DST: variants seen among roughly 807,000 people sequenced by gnomAD.
DST encodes the protein bullous pemphigoid antigen.
In DST, 253 loss-of-function variants were observed where a neutral mutation model predicts 875.2. That is an observed-to-expected ratio of 0.29 (90% CI 0.26 to 0.32). The LOEUF (loss-of-function observed/expected upper bound fraction) is 0.32, where lower values mean the gene tolerates loss of function less well. Ranked by LOEUF, DST falls within the 10% of genes least tolerant of loss-of-function variation. The probability of loss-of-function intolerance (pLI) is 1.00; values close to 1 mark genes in which losing one functional copy is unlikely to be tolerated. For synonymous variants in DST, 3,124 were observed against 3,197.1 expected (o/e 0.98, Z 0.77); for missense variants, 8,287 against 9,111.6 (o/e 0.91, Z 3.68).
intron 2 of DST, among the ~76,000 whole-genome samples, chr6:56,928,609 A>C (rs1808458580): frequency 6.6e-6 from 1 of 151,950 alleles, no homozygotes; most frequent in Non-Finnish European, 1.5e-5. Flanking sequence ...AGAAATAAAT[A>C]AAATGCAAAA....
At chr6:56,657,201 C>T (rs948495229) in intron 10 of DST, among the ~76,000 whole-genome samples, 2 of 152,030 alleles carry the variant, frequency 1.3e-5, no homozygotes, top group Non-Finnish European at 2.9e-5. Flanking sequence ...TATAACGACA[C>T]AAACAAAAGC....
At chr6:56,553,789 A>T (rs771559871) in intron 60 of DST, 134 bp from the exon 61 acceptor site, 42 of 799,706 alleles carry the variant, frequency 5.3e-5, no homozygotes, top group Non-Finnish European at 7.7e-5. Flanking sequence ...TGACTATAAG[A>T]ACTACAAGTG....
chr6:56,670,834 T>G, intron 9 of DST, 27 bp from the exon 10 acceptor site: 1 of 1,503,502 alleles, frequency 6.7e-7, no homozygotes, highest in East Asian at 2.4e-5. Flanking sequence ...GTGTTAAACC[T>G]TTAGGAAGGA....
intron 4 of DST, among the ~76,000 whole-genome samples, chr6:56,782,155 G>C (rs928827200): frequency 6.6e-6 from 1 of 152,148 alleles, no homozygotes. Context: ...TTGCATCAAT[G>C]TTCATCAAGG....
In DST at chr6:56,605,899, A is replaced by C. The variant is rs775583359; in HGVS notation, c.8729T>G (p.Leu2910Arg). 2 of 1,612,760 alleles carry C rather than the reference A, an allele frequency of 1.2e-6. No individual in the cohort carries two copies. The highest frequency in any genetic ancestry group is 1.7e-6 in the Non-Finnish European group (2 of 1,179,358). ...CTTAAGTACCATCTCATGGTTCAAC[A>C]GATTTTCTTTGCTTTTTCCAGCAAT... is the stretch of plus-strand genomic sequence containing the variant. ...TEIAGKSKENLLNHEMVLKDV... is the reference protein window; with the variant it reads ...TEIAGKSKENRLNHEMVLKDV... The change falls in exon 40 of 104, where the codon CTG becomes CGG. Residue 2910 changes from leucine (L) to arginine (R), a missense_variant. By Grantham distance (102) the Leu-to-Arg change is moderately radical (BLOSUM62 -2). Coordinates refer to ENST00000680361, the MANE Select transcript of DST (RefSeq NM_001374736.1).
Position 56,693,141 on chromosome 6 carries a change from A to G in DST, c.1047+6512T>C, listed in dbSNP as rs961067091. 3 of 1,282,362 alleles carry G rather than the reference A, an allele frequency of 2.3e-6. No individual in the cohort carries two copies. The African/African-American group carries it at 4.6e-5, about 20-fold the overall frequency. 79.4% of individuals were successfully genotyped at this position (1,282,362 alleles called of 1,614,324 possible). The stretch of plus-strand genomic sequence containing the variant: ...TCTCAGCTCTTACACATCCACAGAC[A>G]TTCCCCATTTGATTTGTAGGAGATC... On this transcript the variant is annotated intron_variant, in intron 9 of 103. Coordinates refer to ENST00000680361, the MANE Select transcript of DST (RefSeq NM_001374736.1).
intron 49 of DST, among the ~76,000 whole-genome samples, chr6:56,585,441 T>G (rs2098127406): frequency 6.6e-6 from 1 of 152,142 alleles, no homozygotes; most frequent in African/African-American, 2.4e-5. Context: ...GGTGGTGATA[T>G]CCCCTTTATC....
Position 56,640,373 on chromosome 6 carries a change from T to C in DST, c.2260A>G (p.Met754Val). The change falls in exon 18 of 104, where the codon ATG becomes GTG. Residue 754 changes from methionine to valine, a missense_variant. Coordinates refer to ENST00000680361, the MANE Select transcript of DST (RefSeq NM_001374736.1). The stretch of plus-strand genomic sequence containing the variant: ...ACAGATGGAGTCAGGCGGGAAGTCA[T>C]CCCTGATGACAGGCCAGAAGTCATA... ...SSMTSGLSSGMTSRLTPSVTP... is the reference protein window; with the variant it reads ...SSMTSGLSSGVTSRLTPSVTP... 1 of 1,614,130 alleles carries C rather than the reference T, an allele frequency of 6.2e-7. No individual in the cohort carries two copies. The highest frequency in any genetic ancestry group is 1.1e-5 in the South Asian group (1 of 91,084).
At chr6:56,916,917 G>A (rs747286837) in intron 2 of DST, among the ~76,000 whole-genome samples, 9 of 147,380 alleles carry the variant, frequency 6.1e-5, no homozygotes, top group Non-Finnish European at 1.2e-4. Flanking sequence ...ACTAAGGTAG[G>A]GAAGCAGCAT....
chr6:56,645,870 C>G lies in DST; in HGVS notation c.1774G>C (p.Glu592Gln). The change falls in exon 15 of 104, where the codon GAA becomes CAA. Residue 592 changes from glutamate to glutamine, a missense_variant. Glu to Gln is a conservative substitution (Grantham distance 29). Around this residue, in one of 10 missense-constraint regions of DST, gnomAD observed 1,160 missense variants for 1,424.3 expected, o/e 0.81. Coordinates refer to ENST00000680361, the MANE Select transcript of DST (RefSeq NM_001374736.1). Reference sequence around the variant, plus strand: ...CAGAAAACACCTCTGGCCTACCTTTCTACTTCTGGACGAAGGGCCTTCTCT... The same window carrying G: ...CAGAAAACACCTCTGGCCTACCTTTGTACTTCTGGACGAAGGGCCTTCTCT... ...EREKALRPEVERLEMLQQIAN... is the reference protein window; with the variant it reads ...EREKALRPEVQRLEMLQQIAN... 6.2e-7 allele frequency: 1 copy of G among 1,613,364 alleles called. No homozygotes were observed. The highest frequency in any genetic ancestry group is 2.2e-5 in the East Asian group (1 of 44,862).
chr6:56,877,919 G>C (rs1376462159), intron 3 of DST, among the ~76,000 whole-genome samples: 1 of 152,176 alleles, frequency 6.6e-6, no homozygotes, highest in Non-Finnish European at 1.5e-5. Context: ...CAACAGACTT[G>C]TCTTGTTGAA....
intron 4 of DST, among the ~76,000 whole-genome samples, chr6:56,825,502 T>A (rs1317828241): frequency 2.4e-4 from 26 of 109,296 alleles, no homozygotes; most frequent in South Asian, 3.6e-4. Flanking sequence ...CAATAAATAC[T>A]AAAAAAAAAA....
intron 49 of DST, among the ~76,000 whole-genome samples, chr6:56,586,896 CA>C (rs2098164689): frequency 6.6e-6 from 1 of 152,076 alleles, no homozygotes; most frequent in South Asian, 2.1e-4. Context: ...ACATCCACAC[CA>C]AAAACCCATC....
chr6:56,604,712 T>C lies in DST; in HGVS notation c.9916A>G (p.Thr3306Ala). 1 of 1,612,310 alleles carries C rather than the reference T, an allele frequency of 6.2e-7. No individual in the cohort carries two copies. Among genetic ancestry groups the C allele is most frequent in the South Asian group, 1.1e-5 (1 of 90,912 alleles). The change falls in exon 40 of 104, where the codon ACT becomes GCT. Residue 3306 changes from threonine (T) to alanine (A), a missense_variant. Physicochemically the swap from Thr to Ala is moderately conservative, Grantham distance 58. Coordinates refer to ENST00000680361, the MANE Select transcript of DST (RefSeq NM_001374736.1). ...AAGAATGAATAGTCAGTATTTAAAG[T>C]GTTACTGGAGTTATCATTTCCTAAT... ...NGLGNDNSSN[T>A]LNTDYSFLEI...
intron 5 of DST, among the ~76,000 whole-genome samples, chr6:56,731,207 T>C (rs2099496660): frequency 6.6e-6 from 1 of 152,180 alleles, no homozygotes; most frequent in Non-Finnish European, 1.5e-5. Flanking sequence ...TAGTGTTATC[T>C]GCTGGACTGT....
At chr6:56,758,921 T>A (rs13203000) in intron 4 of DST, among the ~76,000 whole-genome samples, 17,762 of 151,978 alleles carry the variant, frequency 0.12, 1,421 homozygotes, top group Middle Eastern at 0.19. Context: ...TCAACCAGAG[T>A]GCACAATGGG....
chr6:56,703,709 A>G lies in DST; in HGVS notation c.815T>C (p.Val272Ala), dbSNP rs970033481. Residue 272 changes from valine to alanine, a missense_variant, in exon 7 of 104, where the codon GTG becomes GCG. By Grantham distance (64) the Val-to-Ala change is moderately conservative (BLOSUM62 0). Coordinates refer to ENST00000680361, the MANE Select transcript of DST (RefSeq NM_001374736.1). Reference protein sequence around the residue: ...ERDFLKTLRLVSATEACEYEQ... With the variant: ...ERDFLKTLRLASATEACEYEQ... Reference sequence around the variant, plus strand: ...ATATTCGCATGCTTCTGTTGCACTCACCAATCGTAAGGTCTTCAAAAAATC... The same window carrying G: ...ATATTCGCATGCTTCTGTTGCACTCGCCAATCGTAAGGTCTTCAAAAAATC... 8 of 985,262 alleles carry G rather than the reference A, an allele frequency of 8.1e-6. No individual in the cohort carries two copies. Among genetic ancestry groups the G allele is most frequent in the Non-Finnish European group, 9.6e-6 (8 of 829,906 alleles). The allele number at this position is 985,262 out of a possible 1,614,324, so 61.0% of individuals were successfully genotyped here.
In DST at chr6:56,506,334, A is replaced by G. The variant is rs1583406499; in HGVS notation, c.19464+109T>C. On this transcript the variant is annotated intron_variant, in intron 77 of 103. Transcript: ENST00000680361. ...AGGCAACTGCAGGAATAATTTGCCC[A>G]CAATTGCATATGCACTGGCAGATCT... 5 of 812,506 alleles carry G rather than the reference A, an allele frequency of 6.2e-6. 1 individual carries two copies. Among genetic ancestry groups the G allele is most frequent in the Admixed American group, 3.0e-5 (1 of 32,944 alleles). The allele number at this position is 812,506 out of a possible 1,614,324, so 50.3% of individuals were successfully genotyped here.
At position 56,926,878 on chromosome 6, in the gene DST, C is replaced by G. The variant is rs531584617; in HGVS notation, c.217-26257G>C. Among the ~76,000 whole-genome samples the G allele has an allele frequency of 4.6e-5, 7 of 152,290 alleles. No individual in the cohort carries two copies. The South Asian group carries it at 1.4e-3, about 32-fold the overall frequency. ...GAAGGAAGAAGGGACACAAAACATA[C>G]AGCACCAGGACCCAAGATTCTGCCA... On this transcript the variant is annotated intron_variant, in intron 2 of 103. Transcript: ENST00000680361.
Sources: gnomAD v4.1 joint callset for allele counts (sites outside exome capture counted in the v4.1 genomes callset) on GRCh38, gnomAD v4.1.1 for gene constraint, gnomAD v4.1.1 regional missense constraint, MANE v1.5 for transcripts, NCBI Gene and HGNC (gene_info 2026-07-23, HGNC 2026-07-21) for gene names.